PRPF18: variants seen among roughly 807,000 people sequenced by gnomAD.
PRPF18 encodes pre-mRNA processing factor 18.
Under a neutral mutation model 46.5 loss-of-function variants are expected in PRPF18, and 38 were observed. The observed-to-expected ratio is 0.82, with a 90% CI of 0.63 to 1.07. The LOEUF (loss-of-function observed/expected upper bound fraction) is 1.07. PRPF18 is among the 50% of genes least tolerant of loss of function. PRPF18 has a pLI of 0.00. For missense variants in PRPF18, 263 were observed against 410.0 expected (o/e 0.64, Z 3.10); for synonymous variants, 152 against 146.7 (o/e 1.04, Z -0.26).
chr10:13,642,771 T>TC, the PRPF18 span: 1 of 152,122 alleles, frequency 6.6e-6, no homozygotes, highest in South Asian at 2.1e-4. Flanking sequence ...CCTGGTTGCT[T>TC]CCCCAAGGAG....
At chr10:13,637,751 C>A in the PRPF18 span, 3 of 152,214 alleles carry the variant, frequency 2.0e-5, no homozygotes, top group African/African-American at 7.2e-5. Flanking sequence ...GCTTAAATAA[C>A]AATTCTTCCT....
intron 9 of PRPF18, among the ~76,000 whole-genome samples, chr10:13,620,869 A>G (rs1156972719): frequency 2.0e-5 from 3 of 152,256 alleles, no homozygotes; most frequent in Non-Finnish European, 4.4e-5. Context: ...CAAAAATTAA[A>G]TATACCACAA....
chr10:13,652,110 G>A, the PRPF18 span: 2,142 of 689,444 alleles, frequency 3.1e-3, 26 homozygotes, highest in African/African-American at 0.034. Flanking sequence ...GTTAGCAACA[G>A]ATCATACAAG....
the PRPF18 span, chr10:13,646,571 T>C: frequency 0.39 from 59,683 of 152,154 alleles, 12,281 homozygotes; most frequent in East Asian, 0.79. Context: ...ACCCTGTAAC[T>C]CAAGTCCCCT....
chr10:13,648,184 G>T, the PRPF18 span: 1 of 152,192 alleles, frequency 6.6e-6, no homozygotes, highest in Non-Finnish European at 1.5e-5. Context: ...ATTTTAATGA[G>T]AGTCCTGTGT....
chr10:13,591,397 T>C (rs1210141534), intron 1 of PRPF18: 3 of 433,514 alleles, frequency 6.9e-6, no homozygotes, highest in African/African-American at 6.1e-5. Context: ...GATTTTATCA[T>C]GTTTTATTCA....
chr10:13,605,764 C>A lies in PRPF18; in HGVS notation c.363+20C>A, dbSNP rs755056586. On this transcript the variant is annotated intron_variant, in intron 4 of 9. Coordinates refer to ENST00000378572, the MANE Select transcript of PRPF18 (RefSeq NM_003675.4). ...AACAAGGTAAGAGGACAGAACAAAG[C>A]TAGAAAAATACCACTGTACTGCATT... is the stretch of plus-strand genomic sequence containing the variant. 7.9e-5 allele frequency: 126 copies of A among 1,598,810 alleles called. 2 individuals carry two copies. The South Asian group carries it at 1.2e-3, about 15-fold the overall frequency.
At chr10:13,623,233 A>G (rs1349226693) in intron 9 of PRPF18, among the ~76,000 whole-genome samples, 1 of 152,148 alleles carries the variant, frequency 6.6e-6, no homozygotes, top group East Asian at 1.9e-4. Context: ...TCCCATAGAC[A>G]GTGTTTGAAG....
downstream of PRPF18, chr10:13,632,830 G>A (rs1315980691): frequency 6.6e-6 from 1 of 152,180 alleles, no homozygotes; most frequent in Non-Finnish European, 1.5e-5. Flanking sequence ...CAGCAGGTAA[G>A]TATTTCTGTT....
chr10:13,613,014 A>G (rs1336900751), intron 6 of PRPF18, among the ~76,000 whole-genome samples: 4 of 152,258 alleles, frequency 2.6e-5, no homozygotes, highest in African/African-American at 4.8e-5. Context: ...TAGATACAAC[A>G]TATTATTCAT....
the PRPF18 span, chr10:13,652,260 C>T: frequency 2.1e-6 from 1 of 467,834 alleles, no homozygotes; most frequent in South Asian, 2.5e-5. Flanking sequence ...TGCTGTTTTT[C>T]AAATTTGGCT....
intron 6 of PRPF18, 70 bp downstream of exon 6, chr10:13,611,753 C>T (rs1042436144): frequency 2.1e-6 from 3 of 1,413,938 alleles, no homozygotes; most frequent in African/African-American, 1.4e-5. Flanking sequence ...TTTTGGATTA[C>T]CAAGGGTTAA....
At chr10:13,653,065 C>CCCCCT in the PRPF18 span, 1 of 152,174 alleles carries the variant, frequency 6.6e-6, no homozygotes, top group East Asian at 1.9e-4. Context: ...CTGGGTATTT[C>CCCCCT]CCCCGCAAGG....
chr10:13,588,534 C>A (rs2079910320), intron 1 of PRPF18, among the ~76,000 whole-genome samples: 1 of 151,186 alleles, frequency 6.6e-6, no homozygotes, highest in Non-Finnish European at 1.5e-5. Context: ...TATCATCGTG[C>A]CACTGCACTC....
At chr10:13,651,656 G>C in the PRPF18 span, 1 of 496,086 alleles carries the variant, frequency 2.0e-6, no homozygotes, top group Non-Finnish European at 3.6e-6. Context: ...CTGGGCAACA[G>C]AACAAGACTC....
chr10:13,606,694 C>A (rs965490433), intron 4 of PRPF18, among the ~76,000 whole-genome samples: 4 of 129,726 alleles, frequency 3.1e-5, no homozygotes, highest in Non-Finnish European at 6.2e-5. Context: ...GAGATTGTGC[C>A]ACTGCACTCC....
At chr10:13,602,273 GTGT>G (rs1219654748) in intron 3 of PRPF18, among the ~76,000 whole-genome samples, 53 of 152,266 alleles carry the variant, frequency 3.5e-4, no homozygotes, top group African/African-American at 1.3e-3. Context: ...ATGTTTTCAC[GTGT>G]TCAGTGGTCG....
chr10:13,613,992 A>C, intron 7 of PRPF18, 23 bp from the exon 8 acceptor site: 1 of 1,558,682 alleles, frequency 6.4e-7, no homozygotes, highest in Non-Finnish European at 8.7e-7. Flanking sequence ...TAGCTTCCAA[A>C]ATTTCTTATT....
rs189552253 is a variant in PRPF18, at chr10:13,605,326, G to A, written c.250-305G>A. 9.8e-4 allele frequency among the ~76,000 whole-genome samples: 149 copies of A among 152,254 alleles called. 1 individual carries two copies. Among genetic ancestry groups the A allele is most frequent in the African/African-American group, 3.4e-3 (143 of 41,536 alleles). ...TAGCTGGGCACATTAGCTCACGCCT[G>A]TAATCCCAGCACTTTGGGAGCCCGA... On this transcript the variant is annotated intron_variant, in intron 3 of 9. Coordinates refer to ENST00000378572, the MANE Select transcript of PRPF18 (RefSeq NM_003675.4).
Sources: allele counts gnomAD v4.1 joint callset (sites outside exome capture counted in the v4.1 genomes callset), GRCh38; gene constraint gnomAD v4.1.1; transcripts MANE v1.5; gene names NCBI Gene and HGNC (gene_info 2026-07-23, HGNC 2026-07-21).